Variants in USP24 observed in about 807,000 individuals in gnomAD.
The protein encoded by USP24 is ubiquitin carboxyl-terminal hydrolase 24.
A neutral mutation model predicts 361.6 loss-of-function variants in USP24; 97 were observed. The ratio of observed to expected loss-of-function variants is 0.27; its 90% CI spans 0.23 to 0.32. The LOEUF (loss-of-function observed/expected upper bound fraction) is 0.32, where lower values mean the gene tolerates loss of function less well. Among genes scored for constraint, USP24 ranks in the 10% least tolerant of loss-of-function variants. USP24 has a pLI of 1.00. For synonymous variants in USP24, 1,098 were observed against 1,124.6 expected (o/e 0.98, Z 0.47); for missense variants, 2,353 against 3,165.6 (o/e 0.74, Z 6.16).
chr1:55,159,101 A>C, intron 9 of USP24, 65 bp from the exon 10 acceptor site: 1 of 1,292,950 alleles, frequency 7.7e-7, no homozygotes, highest in East Asian at 2.8e-5. Context: ...CCCAATTCTT[A>C]TAACATACAC....
At position 55,104,033 on chromosome 1, in the gene USP24, G is replaced by A; in HGVS notation, c.4881-13C>T. On this transcript the variant is annotated splice_polypyrimidine_tract_variant and intron_variant, in intron 41 of 67. Coordinates refer to ENST00000294383, the MANE Select transcript of USP24 (RefSeq NM_015306.3). Reference sequence around the variant, plus strand: ...CGCTGTACTACACCTAGAAACAAAAGACACAAGTCAATTTCAACAATGAAT... The same window carrying A: ...CGCTGTACTACACCTAGAAACAAAAAACACAAGTCAATTTCAACAATGAAT... 6.3e-7 allele frequency: 1 copy of A among 1,589,536 alleles called. No individual in the cohort carries two copies. The highest frequency in any genetic ancestry group is 8.6e-7 in the Non-Finnish European group (1 of 1,168,256).
chr1:55,079,273 G>T (rs1044176053), intron 60 of USP24, among the ~76,000 whole-genome samples: 1 of 152,170 alleles, frequency 6.6e-6, no homozygotes, highest in Admixed American at 6.5e-5. Flanking sequence ...TTAACGAAAT[G>T]ATTTTGATGG....
At chr1:55,100,015 T>G (rs1387409083) in intron 44 of USP24, 146 bp from the exon 45 acceptor site, 2 of 614,098 alleles carry the variant, frequency 3.3e-6, no homozygotes, top group Non-Finnish European at 5.6e-6. Flanking sequence ...GAGACTAGCT[T>G]GTATTCAGCC....
intron 38 of USP24, among the ~76,000 whole-genome samples, chr1:55,115,308 A>AAC (rs1452737685): frequency 6.6e-6 from 1 of 151,768 alleles, no homozygotes; most frequent in Non-Finnish European, 1.5e-5. Context: ...CACGAGGTCT[A>AAC]AAACGGTGAA....
intron 18 of USP24, 22 bp from the exon 19 acceptor site, chr1:55,147,082 AT>A (rs1647047992): frequency 6.5e-7 from 1 of 1,527,228 alleles, no homozygotes; most frequent in East Asian, 2.4e-5. Context: ...AATAATGCTA[AT>A]TAGTTAACTC....
Position 55,107,394 on chromosome 1 carries a change from G to A in USP24, c.4607C>T (p.Thr1536Met), listed in dbSNP as rs373978540. The A allele has an allele frequency of 1.9e-5, 31 of 1,612,762 alleles. 1 individual carries two copies. Among genetic ancestry groups the A allele is most frequent in the Admixed American group, 1.3e-4 (8 of 59,822 alleles). The change falls in exon 40 of 68, where the codon ACG (threonine) becomes ATG (methionine). Residue 1536 changes from threonine (T) to methionine (M), a missense_variant. This residue lies in a region of USP24 where 949 missense variants were observed against 1,280.5 expected (regional missense o/e 0.74). Coordinates refer to ENST00000294383, the MANE Select transcript of USP24 (RefSeq NM_015306.3). ...EMEQLRISPA[T>M]MLEDEITWLD... ...CCAAGTAATCTCATCTTCAAGCATC[G>A]TAGCTGGGCTGATCCTTAACTGCTC...
At chr1:55,107,488 A>G (rs955145565) in intron 39 of USP24, 58 bp from the exon 40 acceptor site, 2 of 1,467,962 alleles carry the variant, frequency 1.4e-6, no homozygotes, top group African/African-American at 2.9e-5. Context: ...TTATGGAGTC[A>G]AAGTCCTGAA....
intron 8 of USP24, 96 bp from the exon 9 acceptor site, chr1:55,159,781 G>T: frequency 2.6e-6 from 3 of 1,151,556 alleles, no homozygotes; most frequent in Non-Finnish European, 3.7e-6. Flanking sequence ...AGGAGAAGGT[G>T]CAATGAAAAG....
At chr1:55,124,960 C>A (rs1041942625) in intron 34 of USP24, among the ~76,000 whole-genome samples, 1 of 152,174 alleles carries the variant, frequency 6.6e-6, no homozygotes, top group South Asian at 2.1e-4. Flanking sequence ...TTGAACAAGT[C>A]TCCTTTCTCC....
In USP24 at chr1:55,068,972, G is replaced by A. The variant is rs565183633; in HGVS notation, c.*73C>T. ...ATCTCCAGGCTCTTCCAAAGGGTTC[G>A]AGATTCTGATTCCAAGAAGGTGCTG... is the stretch of plus-strand genomic sequence containing the variant. On this transcript the variant is annotated 3_prime_UTR_variant, in exon 68 of 68. Transcript: ENST00000294383. 180 of 1,530,788 alleles carry A rather than the reference G, an allele frequency of 1.2e-4. 1 individual carries two copies. The Middle Eastern group carries it at 1.2e-3, about 10-fold the overall frequency. 94.8% of individuals were successfully genotyped at this position (1,530,788 alleles called of 1,614,324 possible).
intron 59 of USP24, among the ~76,000 whole-genome samples, 169 bp from the exon 60 acceptor site, chr1:55,079,828 GCA>G (rs1316007623): frequency 7.9e-6 from 1 of 126,948 alleles, no homozygotes; most frequent in Non-Finnish European, 1.9e-5. Flanking sequence ...CAGAGTACTT[GCA>G]CACACAGTAC....
chr1:55,108,776 C>T (rs2100543229), intron 39 of USP24, among the ~76,000 whole-genome samples: 1 of 152,298 alleles, frequency 6.6e-6, no homozygotes, highest in South Asian at 2.1e-4. Context: ...TGCTGCAGAG[C>T]AGAAAGCAAA....
At chr1:55,169,134 AAAAC>A (rs1286997370) in intron 5 of USP24, among the ~76,000 whole-genome samples, 3 of 152,170 alleles carry the variant, frequency 2.0e-5, no homozygotes, top group Non-Finnish European at 4.4e-5. Context: ...AACAGTCAAA[AAAAC>A]AAAATTTATA....
chr1:55,128,525 G>A (rs1646500401), intron 32 of USP24, among the ~76,000 whole-genome samples: 1 of 151,898 alleles, frequency 6.6e-6, no homozygotes, highest in South Asian at 2.1e-4. Context: ...CCAGCTTGGA[G>A]TGCCCCTTCC....
intron 61 of USP24, among the ~76,000 whole-genome samples, chr1:55,077,650 G>A (rs1645058178): frequency 6.6e-6 from 1 of 152,148 alleles, no homozygotes; most frequent in Non-Finnish European, 1.5e-5. Context: ...ATACAAATGG[G>A]AATACTCTGA....
Position 55,214,820 on chromosome 1 carries a change from C to A in USP24, c.294G>T (p.Pro98=), listed in dbSNP as rs1171362494. ...CGTCCACCACCTCGTGGTAGGCGGG[C>A]GGGGGGTCGAAGCCGCCCCCGCCTC... ...STGGGGGFDP[P]PAYHEVVDAE... is the part of the protein sequence containing the mutation. Residue 98 remains proline, a synonymous_variant, in exon 1 of 68, where the codon CCG becomes CCT. Coordinates refer to ENST00000294383, the MANE Select transcript of USP24 (RefSeq NM_015306.3). 1.6e-6 allele frequency: 2 copies of A among 1,221,754 alleles called. No individual in the cohort carries two copies. Among genetic ancestry groups the A allele is most frequent in the Non-Finnish European group, 2.1e-6 (2 of 972,338 alleles). The allele number at this position is 1,221,754 out of a possible 1,614,324, so 75.7% of individuals were successfully genotyped here.
Position 55,173,281 on chromosome 1 carries a change from C to G in USP24, c.559-761G>C, listed in dbSNP as rs570593762. On this transcript the variant is annotated intron_variant, in intron 3 of 67. Coordinates refer to ENST00000294383, the MANE Select transcript of USP24 (RefSeq NM_015306.3). ...TTTTTTTTTAATTGTTTAAGCAAAT[C>G]TAAATTAGCTCTAAGTTTTAAGACA... is the stretch of plus-strand genomic sequence containing the variant. Among the ~76,000 whole-genome samples the G allele has an allele frequency of 1.2e-4, 18 of 152,108 alleles. No homozygotes were observed. In the East Asian group the frequency reaches 3.3e-3, roughly 28 times the overall value.
In USP24 at chr1:55,089,640, G is replaced by A. The variant is rs769648756; in HGVS notation, c.6655C>T (p.Arg2219Ter). 2 of 1,584,402 alleles carry A rather than the reference G, an allele frequency of 1.3e-6. No individual in the cohort carries two copies. The highest frequency in any genetic ancestry group is 1.3e-5 in the African/African-American group (1 of 74,546). The change falls in exon 55 of 68, where the codon CGA becomes TGA. Residue 2219 changes from arginine (R) to a stop codon, truncating the protein, a stop_gained. Transcript: ENST00000294383. LOFTEE classifies it high-confidence loss of function. ...TCCAACACTTACTTTATCAATTCTCGTCCTTCAGAACTAATAAAATATTCA... is the reference window on the plus strand; with the variant it reads ...TCCAACACTTACTTTATCAATTCTCATCCTTCAGAACTAATAAAATATTCA... ...LVEYFISSEG[R>*]ELIKIFLLEC... is the part of the protein sequence containing the mutation.
intron 5 of USP24, among the ~76,000 whole-genome samples, chr1:55,167,127 T>C (rs1325307194): frequency 6.6e-6 from 1 of 152,136 alleles, no homozygotes; most frequent in Non-Finnish European, 1.5e-5. Flanking sequence ...ATGAAGCTCA[T>C]TCTAGCAGGG....
Sources: gnomAD v4.1 joint callset for allele counts (sites outside exome capture counted in the v4.1 genomes callset) on GRCh38, gnomAD v4.1.1 for gene constraint, gnomAD v4.1.1 regional missense constraint, MANE v1.5 for transcripts, NCBI Gene and HGNC (gene_info 2026-07-23, HGNC 2026-07-21) for gene names.